Variants in SAG observed in about 807,000 individuals in gnomAD.
SAG encodes S-arrestin.
Under a neutral mutation model 55.0 loss-of-function variants are expected in SAG, and 45 were observed. The observed-to-expected ratio is 0.82, with a 90% CI of 0.64 to 1.05. The LOEUF (loss-of-function observed/expected upper bound fraction) is 1.05. Ranked by LOEUF, SAG falls within the 50% of genes least tolerant of loss-of-function variation. SAG has a pLI of 0.00. For missense variants in SAG, 455 were observed against 512.1 expected (o/e 0.89, Z 1.08); for synonymous variants, 189 against 197.4 (o/e 0.96, Z 0.36).
Position 233,322,226 on chromosome 2 carries a change from C to T in SAG, c.376-720C>T, listed in dbSNP as rs560388497. Among the ~76,000 whole-genome samples the T allele has an allele frequency of 1.7e-4, 25 of 149,414 alleles. No individual in the cohort carries two copies. In the South Asian group the frequency reaches 5.1e-3, roughly 31 times the overall value. On this transcript the variant is annotated intron_variant, in intron 5 of 15. Transcript: ENST00000409110. ...AAAAAAAAAGTGCTTCTCTTTCTAG[C>T]AGTTCAGCTTATGGAATTAATTGTC...
chr2:233,335,179 G>T, intron 11 of SAG, 80 bp downstream of exon 11: 1 of 1,524,108 alleles, frequency 6.6e-7, no homozygotes. Flanking sequence ...CACCCTGCTG[G>T]GCTCGCAGGC....
rs1700302695 is a variant in SAG at position 233,319,084 on chromosome 2, GC to G, written c.181+293del. 1.7e-6 allele frequency: 1 copy of G among 597,732 alleles called. No individual in the cohort carries two copies. The allele number at this position is 597,732 out of a possible 1,614,324, so 37.0% of individuals were successfully genotyped here. On this transcript the variant is annotated intron_variant, in intron 4 of 15. Coordinates refer to ENST00000409110, the MANE Select transcript of SAG (RefSeq NM_000541.5). The surrounding 1 kb of genome is among the most constrained non-coding windows in gnomAD (Gnocchi z 4.4). ...CTGTGGCCCCCATTCCTGTTTGCTC[GC>G]CCCTGTTTCATGTACTTCTGTGCTA... is the stretch of plus-strand genomic sequence containing the variant.
intron 2 of SAG, among the ~76,000 whole-genome samples, chr2:233,309,478 C>T (rs1700019782): frequency 6.6e-6 from 1 of 152,034 alleles, no homozygotes; most frequent in Non-Finnish European, 1.5e-5. Flanking sequence ...CAAAACCCAT[C>T]TCTACTAAAA....
chr2:233,325,920 G>A (rs943934696), intron 6 of SAG, among the ~76,000 whole-genome samples: 2 of 152,186 alleles, frequency 1.3e-5, no homozygotes, highest in Non-Finnish European at 2.9e-5. Context: ...GGCAGGGAAG[G>A]ATGCATATTT....
intron 5 of SAG, among the ~76,000 whole-genome samples, chr2:233,321,277 C>T (rs1312306871): frequency 6.6e-6 from 1 of 152,172 alleles, no homozygotes; most frequent in Non-Finnish European, 1.5e-5. Context: ...CGTCTGTCAT[C>T]CATTGAGACC....
At chr2:233,322,852 T>C (rs889935205) in intron 5 of SAG, 94 bp from the exon 6 acceptor site, 30 of 798,952 alleles carry the variant, frequency 3.8e-5, no homozygotes, top group Middle Eastern at 4.7e-4. Flanking sequence ...TTCTTGCTTA[T>C]CATCTTTATT....
At position 233,340,901 on chromosome 2, in the gene SAG, C is replaced by T. The variant is rs572752856; in HGVS notation, c.1046+423C>T. On this transcript the variant is annotated intron_variant, in intron 13 of 15. Coordinates refer to ENST00000409110, the MANE Select transcript of SAG (RefSeq NM_000541.5). The surrounding 1 kb of genome is among the most constrained non-coding windows in gnomAD (Gnocchi z 4.2). ...TGATCTCGGCTCACCGTGACCTCCA[C>T]TTCCTGGGTTCAGGCAATCCTCCCG... 2.6e-5 allele frequency among the ~76,000 whole-genome samples: 4 copies of T among 152,316 alleles called. No individual in the cohort carries two copies. The highest frequency in any genetic ancestry group is 7.2e-5 in the African/African-American group (3 of 41,576).
At chr2:233,325,007 C>G (rs1009398973) in intron 6 of SAG, among the ~76,000 whole-genome samples, 1 of 152,036 alleles carries the variant, frequency 6.6e-6, no homozygotes, top group Admixed American at 6.6e-5. Context: ...GGGCAGATCA[C>G]CTGTGGTCAC....
rs540978286 is a variant in SAG, at chr2:233,319,467, T to G, written c.181+672T>G. ...CAGATTCCAGCTATCCTTGTGATAA[T>G]GTCACTGACTCAGTTCCATTCTAAA... On this transcript the variant is annotated intron_variant, in intron 4 of 15. Transcript: ENST00000409110. The surrounding 1 kb of genome is among the most constrained non-coding windows in gnomAD (Gnocchi z 4.4). 2 of 490,318 alleles carry G rather than the reference T, an allele frequency of 4.1e-6. No homozygotes were observed. Among genetic ancestry groups the G allele is most frequent in the East Asian group, 1.4e-4 (1 of 7,370 alleles). 30.4% of individuals were successfully genotyped at this position (490,318 alleles called of 1,614,324 possible).
intron 2 of SAG, among the ~76,000 whole-genome samples, chr2:233,312,114 G>A (rs981148056): frequency 6.6e-6 from 1 of 152,100 alleles, no homozygotes; most frequent in Non-Finnish European, 1.5e-5. Flanking sequence ...CAACAAGAGC[G>A]AAACTCTGTC....
chr2:233,325,203 CA>C (rs3085261), intron 6 of SAG, among the ~76,000 whole-genome samples: 50,487 of 128,314 alleles, frequency 0.39, 10,228 homozygotes, highest in South Asian at 0.52. Flanking sequence ...GGCTCCATCT[CA>C]AAAAAAAAAA....
intron 10 of SAG, 73 bp downstream of exon 10, chr2:233,331,785 T>C: frequency 9.3e-7 from 1 of 1,075,598 alleles, no homozygotes. Flanking sequence ...CGTTTATTGC[T>C]GAAGAAGGAA....
Position 233,313,565 on chromosome 2 carries a change from C to G in SAG, c.76-2510C>G, listed in dbSNP as rs1700134669. Among the ~76,000 whole-genome samples, 6 of 151,570 alleles carry G rather than the reference C, an allele frequency of 4.0e-5. No homozygotes were observed. The South Asian group carries it at 1.3e-3, about 32-fold the overall frequency. ...TTACTCTGGAGACCAGTGAAGATCT[C>G]TTTACCCCCTTTGTGGGAGAGCAGG... On this transcript the variant is annotated intron_variant, in intron 2 of 15. Coordinates refer to ENST00000409110, the MANE Select transcript of SAG (RefSeq NM_000541.5).
chr2:233,337,607 T>C (rs1700977099), intron 11 of SAG, among the ~76,000 whole-genome samples: 1 of 152,132 alleles, frequency 6.6e-6, no homozygotes, highest in Admixed American at 6.5e-5. Flanking sequence ...AGCACTGTGG[T>C]CCTGGAAACA....
intron 10 of SAG, chr2:233,334,616 G>T (rs1015757098): frequency 9.5e-6 from 2 of 211,006 alleles, no homozygotes; most frequent in Non-Finnish European, 9.8e-6. Context: ...CAACCAGAAG[G>T]TTCTGCAGGC....
intron 14 of SAG, chr2:233,345,196 C>A (rs1390124188): frequency 6.6e-6 from 1 of 152,178 alleles, no homozygotes; most frequent in Non-Finnish European, 1.5e-5. Flanking sequence ...AGCAGTTAGT[C>A]TGGGGATACA....
intron 2 of SAG, among the ~76,000 whole-genome samples, chr2:233,311,121 A>G (rs1402499467): frequency 6.6e-6 from 1 of 152,042 alleles, no homozygotes; most frequent in Non-Finnish European, 1.5e-5. Flanking sequence ...AAGTCCTCAC[A>G]GGTGGGAAAA....
At chr2:233,328,305 C>A in intron 7 of SAG, 173 bp from the exon 8 acceptor site, 1 of 664,158 alleles carries the variant, frequency 1.5e-6, no homozygotes. Context: ...CAGGCTCTTC[C>A]ACCGTCAGGG....
intron 3 of SAG, 23 bp from the exon 4 acceptor site, chr2:233,318,728 G>T (rs1358405330): frequency 2.5e-6 from 4 of 1,610,910 alleles, no homozygotes; most frequent in Non-Finnish European, 3.4e-6. Context: ...CACCCTCACT[G>T]CTCTCTCCCT....
Sources: allele counts gnomAD v4.1 joint callset (sites outside exome capture counted in the v4.1 genomes callset), GRCh38; gene constraint gnomAD v4.1.1; non-coding constraint Gnocchi (gnomAD v3.1); transcripts MANE v1.5; gene names NCBI Gene and HGNC (gene_info 2026-07-23, HGNC 2026-07-21).